Variants in TACR1 observed in about 807,000 individuals in gnomAD.
TACR1 encodes the protein substance-P receptor.
A neutral mutation model predicts 35.8 loss-of-function variants in TACR1; 25 were observed. That is an observed-to-expected ratio of 0.70 (90% confidence interval 0.51 to 0.98). The LOEUF (loss-of-function observed/expected upper bound fraction) is 0.98. Ranked by LOEUF, TACR1 falls within the 50% of genes least tolerant of loss-of-function variation. TACR1 has a pLI of 0.00. For missense variants in TACR1, 478 were observed against 522.9 expected (o/e 0.91, Z 0.84); for synonymous variants, 195 against 206.7 (o/e 0.94, Z 0.48).
At chr2:75,182,295 C>CT (rs968074553) in intron 1 of TACR1, among the ~76,000 whole-genome samples, 2 of 152,200 alleles carry the variant, frequency 1.3e-5, no homozygotes, top group African/African-American at 2.4e-5. Flanking sequence ...CCTGTGCTCC[C>CT]TGCAAGGAAG....
intron 1 of TACR1, among the ~76,000 whole-genome samples, chr2:75,194,367 G>T (rs2103633952): frequency 6.6e-6 from 1 of 152,330 alleles, no homozygotes; most frequent in Admixed American, 6.5e-5. Flanking sequence ...TCACAGCAGT[G>T]CATGGTAATG....
intron 1 of TACR1, among the ~76,000 whole-genome samples, chr2:75,132,411 A>T (rs1023522671): frequency 2.6e-5 from 4 of 152,152 alleles, no homozygotes; most frequent in African/African-American, 9.7e-5. Context: ...ACTGAGTTTT[A>T]TATTTTAACT....
chr2:75,099,251 C>T (rs532165054), intron 2 of TACR1, among the ~76,000 whole-genome samples: 12 of 152,290 alleles, frequency 7.9e-5, no homozygotes, highest in Admixed American at 2.6e-4. Context: ...CTCCTCATCT[C>T]CAGTGAGCTC....
chr2:75,139,209 C>A (rs936441053), intron 1 of TACR1, among the ~76,000 whole-genome samples: 5 of 152,296 alleles, frequency 3.3e-5, no homozygotes, highest in African/African-American at 1.2e-4. Context: ...TCATAGCTAT[C>A]ATTTCTTATG....
At chr2:75,180,390 G>A (rs72920674) in intron 1 of TACR1, among the ~76,000 whole-genome samples, 6,242 of 152,064 alleles carry the variant, frequency 0.041, 454 homozygotes, top group African/African-American at 0.14. Flanking sequence ...CTGTATACTT[G>A]CCCTTTTCTA....
At chr2:75,070,471 A>G (rs953818316) in intron 2 of TACR1, among the ~76,000 whole-genome samples, 3 of 152,170 alleles carry the variant, frequency 2.0e-5, no homozygotes, top group South Asian at 4.1e-4. Flanking sequence ...TTCTTCCCAC[A>G]TGTATCCTTC....
At chr2:75,064,598 GC>G (rs1309012896) in intron 2 of TACR1, among the ~76,000 whole-genome samples, 1 of 152,282 alleles carries the variant, frequency 6.6e-6, no homozygotes, top group East Asian at 1.9e-4. Context: ...GTGCACCTGA[GC>G]CCCATGGTTG....
In TACR1 at chr2:75,049,308, C is replaced by T; in HGVS notation, c.*124G>A. 1 of 1,104,894 alleles carries T rather than the reference C, an allele frequency of 9.1e-7. No homozygotes were observed. Among genetic ancestry groups the T allele is most frequent in the Non-Finnish European group, 1.3e-6 (1 of 778,346 alleles). The allele number at this position is 1,104,894 out of a possible 1,614,324, so 68.4% of individuals were successfully genotyped here. A position where few individuals can be genotyped will look rare whatever the true frequency, so the allele number is the denominator to read the frequency against. ...GATGGAATGTTTTCCCTAACCCATA[C>T]TGACCCTTTTTGCAAGTCCCAGTGT... On this transcript the variant is annotated 3_prime_UTR_variant, in exon 5 of 5. Transcript: ENST00000305249.
In TACR1 at chr2:75,154,401, A is replaced by AGCGCGCTCGCGT. The variant is rs142809732; in HGVS notation, c.390-33634_390-33633insACGCGAGCGCGC. 3.1e-3 allele frequency: 237 copies of AGCGCGCTCGCGT among 76,490 alleles called. 26 individuals are homozygous for AGCGCGCTCGCGT. Among genetic ancestry groups the AGCGCGCTCGCGT allele is most frequent in the African/African-American group, 0.011 (186 of 17,316 alleles). 4.7% of individuals were successfully genotyped at this position (76,490 alleles called of 1,614,324 possible). On this transcript the variant is annotated intron_variant, in intron 1 of 4. Coordinates refer to ENST00000305249, the MANE Select transcript of TACR1 (RefSeq NM_001058.4). ...TGGCCCAGGGAGATAATCAGCCAAG[A>AGCGCGCTCGCGT]GCGCGCACGCACACACACACACACA...
chr2:75,107,150 A>G (rs934852471), intron 2 of TACR1, among the ~76,000 whole-genome samples: 1 of 151,952 alleles, frequency 6.6e-6, no homozygotes, highest in Non-Finnish European at 1.5e-5. Context: ...AAAGCACTAA[A>G]TAGAGATATA....
chr2:75,181,372 G>A (rs1192768044), intron 1 of TACR1, among the ~76,000 whole-genome samples: 2 of 151,922 alleles, frequency 1.3e-5, no homozygotes, highest in Non-Finnish European at 2.9e-5. Flanking sequence ...ATCTGAGCAG[G>A]TTCATTAAGG....
intron 2 of TACR1, among the ~76,000 whole-genome samples, chr2:75,083,739 G>T (rs1479787739): frequency 2.0e-5 from 3 of 152,112 alleles, no homozygotes; most frequent in Admixed American, 6.6e-5. Context: ...TCTGTTATTG[G>T]TGTATAAGAA....
At chr2:75,148,197 T>C (rs1376352386) in intron 1 of TACR1, among the ~76,000 whole-genome samples, 1 of 152,218 alleles carries the variant, frequency 6.6e-6, no homozygotes, top group African/African-American at 2.4e-5. Flanking sequence ...CATGTATCTT[T>C]ATAGTAGAAT....
chr2:75,180,255 A>G (rs965464377), intron 1 of TACR1, among the ~76,000 whole-genome samples: 4 of 152,200 alleles, frequency 2.6e-5, no homozygotes, highest in Non-Finnish European at 4.4e-5. Context: ...CTTGGTGTCT[A>G]TCACTCTAAA....
intron 2 of TACR1, among the ~76,000 whole-genome samples, chr2:75,105,888 G>A (rs1490828751): frequency 2.0e-5 from 3 of 151,984 alleles, no homozygotes; most frequent in African/African-American, 7.2e-5. Flanking sequence ...AACAAGGGAA[G>A]TCTGAGAAAC....
intron 1 of TACR1, among the ~76,000 whole-genome samples, chr2:75,134,016 G>GCTA (rs546140169): frequency 6.6e-6 from 1 of 152,192 alleles, no homozygotes; most frequent in South Asian, 2.1e-4. Context: ...TCCCACCAGT[G>GCTA]CTATGACAGT....
At chr2:75,052,476 T>G (rs1672487951) in intron 3 of TACR1, among the ~76,000 whole-genome samples, 1 of 152,138 alleles carries the variant, frequency 6.6e-6, no homozygotes, top group South Asian at 2.1e-4. Context: ...CCAAGGCATC[T>G]TTAGCAAAGA....
At chr2:75,124,239 C>G (rs144822140) in intron 1 of TACR1, among the ~76,000 whole-genome samples, 2 of 152,218 alleles carry the variant, frequency 1.3e-5, no homozygotes, top group Non-Finnish European at 2.9e-5. Flanking sequence ...AAAGAACTCT[C>G]TGCTGCACAT....
At chr2:75,083,534 G>A (rs1007785530) in intron 2 of TACR1, among the ~76,000 whole-genome samples, 1 of 152,116 alleles carries the variant, frequency 6.6e-6, no homozygotes, top group African/African-American at 2.4e-5. Context: ...CCATTTTCGT[G>A]ATATTGATTC....
Sources: gnomAD v4.1 joint callset for allele counts (sites outside exome capture counted in the v4.1 genomes callset) on GRCh38, gnomAD v4.1.1 for gene constraint, MANE v1.5 for transcripts, NCBI Gene and HGNC (gene_info 2026-07-23, HGNC 2026-07-21) for gene names.